Variants in MCF2L2 observed in about 807,000 individuals in gnomAD.
The protein encoded by MCF2L2 is MCF.2 cell line derived transforming sequence-like 2.
MCF2L2 carries 102 observed loss-of-function variants against 150.2 expected under a neutral mutation model. That is an observed-to-expected ratio of 0.68 (90% CI 0.58 to 0.80). The LOEUF (loss-of-function observed/expected upper bound fraction) is 0.80, where lower values mean the gene tolerates loss of function less well. Among genes scored for constraint, MCF2L2 ranks in the 30% least tolerant of loss-of-function variants. The pLI is 0.00. For missense variants in MCF2L2, 1,256 were observed against 1,372.8 expected, an observed-to-expected ratio of 0.91 and a Z score of 1.34; for synonymous variants, 465 against 491.3, an observed-to-expected ratio of 0.95 and a Z score of 0.71.
At chr3:183,390,220 T>C (rs2108598755) in intron 1 of MCF2L2, among the ~76,000 whole-genome samples, 1 of 152,284 alleles carries the variant, frequency 6.6e-6, no homozygotes, top group South Asian at 2.1e-4. Flanking sequence ...TCATGAGGGT[T>C]CTTTAATTTT....
Position 183,179,564 on chromosome 3 carries a change from C to T in MCF2L2, c.3221+13G>A. ...CCCAAAGAGGCGCTTAGTCTTTCCT[C>T]GCTCACACTCACGTTTCCTCCTCAT... On this transcript the variant is annotated intron_variant, in intron 29 of 29. Coordinates refer to ENST00000328913, the MANE Select transcript of MCF2L2 (RefSeq NM_015078.4). This position sits in a 1 kb window ranked among gnomAD's most constrained non-coding sequence, Gnocchi z 4.2. 6.2e-7 allele frequency: 1 copy of T among 1,613,868 alleles called. No homozygotes were observed. Among genetic ancestry groups the T allele is most frequent in the Non-Finnish European group, 8.5e-7 (1 of 1,179,862 alleles).
intron 3 of MCF2L2, among the ~76,000 whole-genome samples, chr3:183,349,520 AAAACAGTTC>A (rs1249698543): frequency 2.0e-5 from 3 of 152,242 alleles, no homozygotes; most frequent in Non-Finnish European, 4.4e-5. Flanking sequence ...CAGAATGAGC[AAAACAGTTC>A]TGCTGCACTA....
At chr3:183,363,765 T>C (rs1712354646) in intron 3 of MCF2L2, among the ~76,000 whole-genome samples, 1 of 152,146 alleles carries the variant, frequency 6.6e-6, no homozygotes, top group Non-Finnish European at 1.5e-5. Context: ...GATTTTAATA[T>C]ACTACTTTAA....
intron 15 of MCF2L2, among the ~76,000 whole-genome samples, chr3:183,265,028 C>G (rs1281224457): frequency 6.6e-6 from 1 of 152,204 alleles, no homozygotes; most frequent in Non-Finnish European, 1.5e-5. Flanking sequence ...GAGATATCTG[C>G]ATATTTTCTT....
At chr3:183,331,599 C>G (rs942978556) in intron 5 of MCF2L2, among the ~76,000 whole-genome samples, 2 of 152,184 alleles carry the variant, frequency 1.3e-5, no homozygotes, top group Non-Finnish European at 2.9e-5. Flanking sequence ...CCATTTTAAG[C>G]AACCAATTTC....
At chr3:183,393,193 T>TC (rs1491389537) in intron 1 of MCF2L2, among the ~76,000 whole-genome samples, 136 of 41,128 alleles carry the variant, frequency 3.3e-3, no homozygotes, top group African/African-American at 0.018. Flanking sequence ...AACTTGTCTC[T>TC]TTTTTTTTTT....
intron 15 of MCF2L2, among the ~76,000 whole-genome samples, chr3:183,276,505 A>T (rs937374316): frequency 6.6e-6 from 1 of 152,274 alleles, no homozygotes; most frequent in Non-Finnish European, 1.5e-5. Context: ...ACCTTTCTAC[A>T]GAGCAAAAAC....
At chr3:183,425,727 C>T (rs1026323643) in intron 1 of MCF2L2, among the ~76,000 whole-genome samples, 3 of 152,116 alleles carry the variant, frequency 2.0e-5, no homozygotes, top group African/African-American at 7.2e-5. Context: ...CCAAGGCAGA[C>T]GGATCACCCG....
intron 14 of MCF2L2, among the ~76,000 whole-genome samples, chr3:183,279,886 G>A (rs1358495908): frequency 1.3e-5 from 2 of 152,092 alleles, no homozygotes; most frequent in African/African-American, 2.4e-5. Context: ...AAAATTAGCC[G>A]GGCATAGTGG....
At position 183,270,322 on chromosome 3, in the gene MCF2L2, AG is replaced by A. The variant is rs1726637092; in HGVS notation, c.1862+6549del. On this transcript the variant is annotated intron_variant, in intron 15 of 29. Coordinates refer to ENST00000328913, the MANE Select transcript of MCF2L2 (RefSeq NM_015078.4). This position sits in a 1 kb window ranked among gnomAD's most constrained non-coding sequence, Gnocchi z 4.5. ...AATCTTACTCTGAAATTACTTATGC[AG>A]TTCAGTTGGGCAAATACCTATTGTC... 1 of 1,614,056 alleles carries A rather than the reference AG, an allele frequency of 6.2e-7. No individual in the cohort carries two copies. Among genetic ancestry groups the A allele is most frequent in the African/African-American group, 1.3e-5 (1 of 74,930 alleles).
chr3:183,313,532 T>C (rs527936686), intron 7 of MCF2L2, among the ~76,000 whole-genome samples: 69 of 152,290 alleles, frequency 4.5e-4, no homozygotes, highest in African/African-American at 1.6e-3. Context: ...CAGGGTCAAC[T>C]TGAGTAGGGT....
At chr3:183,281,893 CTTTT>C (rs397876715) in intron 14 of MCF2L2, among the ~76,000 whole-genome samples, 4 of 121,450 alleles carry the variant, frequency 3.3e-5, no homozygotes, top group South Asian at 2.7e-4. Flanking sequence ...TTCACAGGGT[CTTTT>C]TTTTTTTTTT....
intron 7 of MCF2L2, among the ~76,000 whole-genome samples, chr3:183,317,320 T>C (rs911455128): frequency 6.6e-6 from 1 of 152,158 alleles, no homozygotes; most frequent in Non-Finnish European, 1.5e-5. Flanking sequence ...TGCTGCCCTA[T>C]TGAAAACTGG....
At chr3:183,188,070 G>A (rs980995901) in intron 27 of MCF2L2, among the ~76,000 whole-genome samples, 5 of 152,102 alleles carry the variant, frequency 3.3e-5, no homozygotes, top group African/African-American at 1.2e-4. Context: ...AGGACATCTC[G>A]CAATACTCCC....
At chr3:183,358,177 G>C (rs1023797127) in intron 3 of MCF2L2, among the ~76,000 whole-genome samples, 2 of 152,172 alleles carry the variant, frequency 1.3e-5, no homozygotes, top group Non-Finnish European at 2.9e-5. Context: ...TGTAATCCCA[G>C]CTACTTGGGA....
chr3:183,404,471 T>C (rs1363080612), intron 1 of MCF2L2, among the ~76,000 whole-genome samples: 1 of 152,252 alleles, frequency 6.6e-6, no homozygotes, highest in East Asian at 1.9e-4. Flanking sequence ...ATCCTGTTGA[T>C]GGGTGTAAGT....
At chr3:183,322,799 A>T (rs1377863444) in intron 6 of MCF2L2, among the ~76,000 whole-genome samples, 1 of 152,142 alleles carries the variant, frequency 6.6e-6, no homozygotes, top group Admixed American at 6.5e-5. Flanking sequence ...TCTCACCTAT[A>T]GTAGTCCCCG....
At chr3:183,358,151 C>T (rs1711900741) in intron 3 of MCF2L2, among the ~76,000 whole-genome samples, 1 of 151,952 alleles carries the variant, frequency 6.6e-6, no homozygotes, top group Non-Finnish European at 1.5e-5. Flanking sequence ...ATTATCTGGG[C>T]ATGATGGCGG....
chr3:183,351,291 C>T (rs1459442348), intron 3 of MCF2L2, among the ~76,000 whole-genome samples: 2 of 145,342 alleles, frequency 1.4e-5, no homozygotes, highest in African/African-American at 5.0e-5. Flanking sequence ...CCATCTCAAT[C>T]CTCCCATCTC....
Sources: allele counts gnomAD v4.1 joint callset (sites outside exome capture counted in the v4.1 genomes callset), GRCh38; gene constraint gnomAD v4.1.1; non-coding constraint Gnocchi (gnomAD v3.1); transcripts MANE v1.5; gene names NCBI Gene and HGNC (gene_info 2026-07-23, HGNC 2026-07-21).